The following DIP2A variants were observed in gnomAD, a reference collection of about 807,000 sequenced individuals.
The protein encoded by DIP2A is DIP2 acetate--CoA ligase A.
A neutral mutation model predicts 177.4 loss-of-function variants in DIP2A; 85 were observed. The ratio of observed to expected loss-of-function variants is 0.48; its 90% CI spans 0.40 to 0.57. The LOEUF (loss-of-function observed/expected upper bound fraction) is 0.57, where lower values mean the gene tolerates loss of function less well. Among genes scored for constraint, DIP2A ranks in the 20% least tolerant of loss-of-function variants. DIP2A has a pLI of 0.00. For synonymous variants in DIP2A, 886 were observed against 881.8 expected (o/e 1.00, Z -0.08); for missense variants, 1,791 against 2,100.2 (o/e 0.85, Z 2.88).
chr21:46,511,495 G>T lies in DIP2A; in HGVS notation c.983G>T (p.Gly328Val), dbSNP rs1263860648. ...CTGAGAGGGGAGCCTCTCACTGCAGGTGTCCCCCGACCGCCGTCGCTGTTG... is the reference window on the plus strand; with the variant it reads ...CTGAGAGGGGAGCCTCTCACTGCAGTTGTCCCCCGACCGCCGTCGCTGTTG... Reference protein sequence around the residue: ...SVLRGEPLTAGVPRPPSLLAT... With the variant: ...SVLRGEPLTAVVPRPPSLLAT... The change falls in exon 8 of 38, where the codon GGT becomes GTT. Residue 328 changes from glycine to valine, a missense_variant. Physicochemically the swap from Gly to Val is moderately radical, Grantham distance 109. Coordinates refer to ENST00000417564, the MANE Select transcript of DIP2A (RefSeq NM_015151.4). The T allele has an allele frequency of 1.2e-6, 2 of 1,613,118 alleles. No homozygotes were observed. Among genetic ancestry groups the T allele is most frequent in the South Asian group, 1.1e-5 (1 of 90,908 alleles).
intron 3 of DIP2A, among the ~76,000 whole-genome samples, chr21:46,491,656 G>GAGCAC (rs1269849897): frequency 6.6e-6 from 1 of 152,156 alleles, no homozygotes; most frequent in Non-Finnish European, 1.5e-5. Flanking sequence ...GCATTTCACT[G>GAGCAC]AGCACTGTTG....
At chr21:46,533,900 A>G (rs1053656137) in intron 11 of DIP2A, 104 bp from the exon 12 acceptor site, 1 of 1,073,838 alleles carries the variant, frequency 9.3e-7, no homozygotes, top group African/African-American at 1.6e-5. Flanking sequence ...TGCACTCCTT[A>G]TTCGCTCAGT....
At chr21:46,543,390 A>C (rs1319664356) in intron 18 of DIP2A, among the ~76,000 whole-genome samples, 1 of 152,202 alleles carries the variant, frequency 6.6e-6, no homozygotes, top group Non-Finnish European at 1.5e-5. Context: ...AGGACAGGAC[A>C]TGCGTGCACA....
In DIP2A at chr21:46,514,025, A is replaced by T. The variant is rs536277363; in HGVS notation, c.1102+2411A>T. ...ATGTTTTTATACTTTGGAATACAGA[A>T]GTCTTGAGCACCTTTTATTAGATTT... On this transcript the variant is annotated intron_variant, in intron 8 of 37. Transcript: ENST00000417564. Among the ~76,000 whole-genome samples the T allele has an allele frequency of 1.8e-4, 27 of 152,304 alleles. No individual in the cohort carries two copies. In the South Asian group the frequency reaches 5.2e-3, roughly 29 times the overall value.
At chr21:46,461,271 C>CAAAAAAAA (rs60346777) in intron 1 of DIP2A, among the ~76,000 whole-genome samples, 6,519 of 49,016 alleles carry the variant, frequency 0.13, 986 homozygotes, top group Non-Finnish European at 0.16. Context: ...CTCTTCTCAC[C>CAAAAAAAA]AAAAAAAAAA....
intron 8 of DIP2A, among the ~76,000 whole-genome samples, chr21:46,514,614 A>ATTATTTTT (rs1395274852): frequency 2.3e-5 from 1 of 43,142 alleles, no homozygotes; most frequent in African/African-American, 9.0e-5. Context: ...TTAAACTTTT[A>ATTATTTTT]TTCTTTTTTT....
intron 8 of DIP2A, among the ~76,000 whole-genome samples, chr21:46,513,610 C>T (rs1447968988): frequency 6.6e-6 from 1 of 152,126 alleles, no homozygotes; most frequent in Non-Finnish European, 1.5e-5. Context: ...AAAATTACTA[C>T]TGGGATATTG....
chr21:46,495,013 G>A (rs766443240), intron 3 of DIP2A, among the ~76,000 whole-genome samples: 1 of 152,128 alleles, frequency 6.6e-6, no homozygotes, highest in Non-Finnish European at 1.5e-5. Flanking sequence ...ATTGTTGTTT[G>A]TAGACATTTT....
chr21:46,545,116 G>A (rs1394863144), intron 18 of DIP2A, 21 bp from the exon 19 acceptor site: 1 of 1,570,476 alleles, frequency 6.4e-7, no homozygotes, highest in Non-Finnish European at 8.7e-7. Flanking sequence ...TGATAATTTT[G>A]AGTTTTTTTT....
intron 1 of DIP2A, among the ~76,000 whole-genome samples, chr21:46,469,741 A>G (rs2055182761): frequency 6.6e-6 from 1 of 152,122 alleles, no homozygotes; most frequent in Admixed American, 6.5e-5. Context: ...TTAGTCTAAG[A>G]CTTTTTCTGT....
intron 22 of DIP2A, among the ~76,000 whole-genome samples, 158 bp from the exon 23 acceptor site, chr21:46,550,385 T>G (rs1237752631): frequency 6.6e-6 from 1 of 152,180 alleles, no homozygotes; most frequent in Admixed American, 6.5e-5. Context: ...TGCACACACT[T>G]CTCTTCATCT....
At position 46,557,488 on chromosome 21, in the gene DIP2A, T is replaced by C. The variant is rs2148894979; in HGVS notation, c.3630-97T>C. On this transcript the variant is annotated intron_variant, in intron 30 of 37. Transcript: ENST00000417564. The surrounding 1 kb of genome is among the most constrained non-coding windows in gnomAD (Gnocchi z 6.0). The stretch of plus-strand genomic sequence containing the variant: ...CGTCAGAACAGAAATCATGCCCCTG[T>C]TGTGGCTGGAAAAGAAGTGTTCTTG... The C allele has an allele frequency of 5.0e-6, 7 of 1,394,166 alleles. No homozygotes were observed. Among genetic ancestry groups the C allele is most frequent in the Admixed American group, 2.2e-5 (1 of 45,132 alleles). 86.4% of individuals were successfully genotyped at this position (1,394,166 alleles called of 1,614,324 possible). A position where few individuals can be genotyped will look rare whatever the true frequency, so the allele number is the denominator to read the frequency against.
intron 1 of DIP2A, among the ~76,000 whole-genome samples, chr21:46,477,573 C>CTTT (rs1357462907): frequency 1.3e-5 from 1 of 77,826 alleles, no homozygotes; most frequent in Non-Finnish European, 2.4e-5. Context: ...GTGTGTATTT[C>CTTT]TTTTTTTTTT....
intron 4 of DIP2A, among the ~76,000 whole-genome samples, chr21:46,497,341 C>A (rs774922191): frequency 1.9e-4 from 29 of 152,170 alleles, no homozygotes; most frequent in Non-Finnish European, 4.0e-4. Context: ...TTGTGTGGAT[C>A]TTAATTTCTT....
rs1233224094 is a variant in DIP2A, at chr21:46,459,163, C to T, written c.32C>T (p.Ala11Val). ...GACCGCGGGTGCCCGCTGGAGGCGG[C>T]GCCGCTGCCTGCCGAGGTGCGGGAG... is the stretch of plus-strand genomic sequence containing the variant. MADRGCPLEA[A>V]PLPAEVRESL... Residue 11 changes from alanine to valine, a missense_variant, in exon 1 of 38, where the codon GCG (alanine) becomes GTG (valine). Ala to Val is a moderately conservative substitution (Grantham distance 64). Transcript: ENST00000417564. The T allele has an allele frequency of 1.3e-6, 2 of 1,519,574 alleles. No individual in the cohort carries two copies. The highest frequency in any genetic ancestry group is 1.8e-6 in the Non-Finnish European group (2 of 1,134,542). 94.1% of individuals were successfully genotyped at this position (1,519,574 alleles called of 1,614,324 possible).
intron 8 of DIP2A, among the ~76,000 whole-genome samples, chr21:46,519,287 C>G (rs1212146616): frequency 2.0e-5 from 3 of 152,200 alleles, no homozygotes; most frequent in African/African-American, 7.2e-5. Context: ...TGACCTGTAT[C>G]TTGTGCCGAC....
Position 46,511,602 on chromosome 21 carries a change from A to T in DIP2A, c.1090A>T (p.Thr364Ser), listed in dbSNP as rs748579467. Reference sequence around the variant, plus strand: ...GGATACAACTGGGAAAGCCGTCTACACTCTCACCTATGGCAAGTGTTAACA... The same window carrying T: ...GGATACAACTGGGAAAGCCGTCTACTCTCTCACCTATGGCAAGTGTTAACA... ...ALDTTGKAVY[T>S]LTYGKLWSRS... is the part of the protein sequence containing the mutation. The change falls in exon 8 of 38, where the codon ACT (threonine) becomes TCT (serine). Residue 364 changes from threonine to serine, a missense_variant. Physicochemically the swap from Thr to Ser is moderately conservative, Grantham distance 58. Coordinates refer to ENST00000417564, the MANE Select transcript of DIP2A (RefSeq NM_015151.4). The T allele has an allele frequency of 6.5e-7, 1 of 1,540,846 alleles. No individual in the cohort carries two copies. The highest frequency in any genetic ancestry group is 8.7e-7 in the Non-Finnish European group (1 of 1,147,420).
chr21:46,482,781 T>A (rs973087450), intron 1 of DIP2A, among the ~76,000 whole-genome samples: 1 of 152,202 alleles, frequency 6.6e-6, no homozygotes, highest in Non-Finnish European at 1.5e-5. Context: ...TACTAGGGAT[T>A]TGGCATCTGT....
chr21:46,533,138 G>A lies in DIP2A; in HGVS notation c.1306-386G>A, dbSNP rs547159938. Reference sequence around the variant, plus strand: ...TTCTGTGTGGAAATAATTTAATATCGTTGGTGACCAGGCCTCTCTAGATTA... The same window carrying A: ...TTCTGTGTGGAAATAATTTAATATCATTGGTGACCAGGCCTCTCTAGATTA... On this transcript the variant is annotated intron_variant, in intron 10 of 37. Coordinates refer to ENST00000417564, the MANE Select transcript of DIP2A (RefSeq NM_015151.4). Among the ~76,000 whole-genome samples the A allele has an allele frequency of 1.2e-4, 18 of 152,272 alleles. No homozygotes were observed. In the South Asian group the frequency reaches 2.9e-3, roughly 25 times the overall value.
Sources: allele counts gnomAD v4.1 joint callset (sites outside exome capture counted in the v4.1 genomes callset), GRCh38; gene constraint gnomAD v4.1.1; non-coding constraint Gnocchi (gnomAD v3.1); transcripts MANE v1.5; gene names NCBI Gene and HGNC (gene_info 2026-07-23, HGNC 2026-07-21).